MAU2: variants seen among roughly 807,000 people sequenced by gnomAD.
MAU2 encodes MAU2 sister chromatid cohesion factor, also known as MAU2 chromatid cohesion factor homolog.
A neutral mutation model predicts 89.1 loss-of-function variants in MAU2; 9 were observed. That is an observed-to-expected ratio of 0.10 (90% confidence interval 0.06 to 0.18). The LOEUF is 0.18. Among genes scored for constraint, MAU2 ranks in the 10% least tolerant of loss-of-function variants. The pLI is 1.00. For missense variants in MAU2, 425 were observed against 803.5 expected, an observed-to-expected ratio of 0.53 and a Z score of 5.69; for synonymous variants, 357 against 343.4, an observed-to-expected ratio of 1.04 and a Z score of -0.44.
chr19:19,325,660 G>T (rs2061497748), intron 1 of MAU2, among the ~76,000 whole-genome samples: 2 of 151,908 alleles, frequency 1.3e-5, no homozygotes, highest in Admixed American at 1.3e-4. Context: ...TGTATTTTTA[G>T]TAGAAACAAG....
At chr19:19,325,007 G>A (rs1056585725) in intron 1 of MAU2, among the ~76,000 whole-genome samples, 9 of 151,924 alleles carry the variant, frequency 5.9e-5, no homozygotes, top group African/African-American at 1.7e-4. Context: ...TATGTTCTCC[G>A]CTTAGAGGTG....
chr19:19,324,145 G>T (rs1789449223), intron 1 of MAU2, among the ~76,000 whole-genome samples: 1 of 152,234 alleles, frequency 6.6e-6, no homozygotes, highest in Non-Finnish European at 1.5e-5. Flanking sequence ...GGCAGTGATG[G>T]AAGAACCTTG....
At chr19:19,349,976 T>A (rs1043760481) in intron 16 of MAU2, among the ~76,000 whole-genome samples, 3 of 56,870 alleles carry the variant, frequency 5.3e-5, no homozygotes, top group Admixed American at 1.6e-4. Flanking sequence ...AGGTCTTGAA[T>A]TTTTTTTTTT....
chr19:19,329,066 CTA>C (rs2061533871), intron 1 of MAU2: 1 of 455,932 alleles, frequency 2.2e-6, no homozygotes, highest in East Asian at 6.9e-5. Context: ...GCCTGAGCAT[CTA>C]TGGTTCACTT....
intron 16 of MAU2, among the ~76,000 whole-genome samples, chr19:19,350,672 G>A (rs1212637319): frequency 1.3e-5 from 2 of 151,238 alleles, no homozygotes; most frequent in South Asian, 2.1e-4. Context: ...AGGCCAAGGC[G>A]GGCAGATCAC....
rs17751203 is a variant in MAU2, at chr19:19,345,055, C to T, written c.1155+129C>T. 0.025 allele frequency: 21,863 copies of T among 879,622 alleles called. 359 individuals are homozygous for T. The highest frequency in any genetic ancestry group is 0.032 in the Non-Finnish European group (17,914 of 553,500). The allele number at this position is 879,622 out of a possible 1,614,324, so 54.5% of individuals were successfully genotyped here. A position where few individuals can be genotyped will look rare whatever the true frequency, so the allele number is the denominator to read the frequency against. On this transcript the variant is annotated intron_variant, in intron 11 of 18. Coordinates refer to ENST00000262815, the MANE Select transcript of MAU2 (RefSeq NM_015329.4). This position sits in a 1 kb window ranked among gnomAD's most constrained non-coding sequence, Gnocchi z 4.9. ...ACCCTAATCAGAATCCGGAATGTTC[C>T]CATAGGTAATCATATAACCTTCCCA...
rs987552041 is a variant in MAU2 at position 19,323,586 on chromosome 19, A to G, written c.276+2451A>G. ...CACTGGCGTGATCTCAGCTCACTGC[A>G]GCCTTGACCTCCTGGGCTCAAGCAG... On this transcript the variant is annotated intron_variant, in intron 1 of 18. Transcript: ENST00000262815. Among the ~76,000 whole-genome samples the G allele has an allele frequency of 5.3e-5, 8 of 152,236 alleles. No homozygotes were observed. The East Asian group carries it at 1.5e-3, about 29-fold the overall frequency.
Position 19,356,973 on chromosome 19 carries a change from G to A in MAU2, c.*1191G>A, listed in dbSNP as rs2048187013. On this transcript the variant is annotated 3_prime_UTR_variant, in exon 19 of 19. Transcript: ENST00000262815. ...AAGACACCACCCCCTCCAGCTTCTG[G>A]GGCCCAGGAGCCTCTCCCTGCTACA... The A allele has an allele frequency of 6.6e-6, 1 of 152,200 alleles. No individual in the cohort carries two copies. Among genetic ancestry groups the A allele is most frequent in the South Asian group, 2.1e-4 (1 of 4,826 alleles). 9.4% of individuals were successfully genotyped at this position (152,200 alleles called of 1,614,324 possible).
At chr19:19,347,607 A>T (rs2061703966) in intron 13 of MAU2, 1 of 474,284 alleles carries the variant, frequency 2.1e-6, no homozygotes, top group South Asian at 2.8e-5. Context: ...TCTTTATCAC[A>T]AACAAACCAA....
intron 13 of MAU2, chr19:19,347,650 C>T: frequency 3.2e-6 from 1 of 309,794 alleles, no homozygotes; most frequent in Non-Finnish European, 6.1e-6. Context: ...GGTCTTATAG[C>T]CCAAGCTGTC....
At chr19:19,350,774 C>T (rs939932125) in intron 16 of MAU2, among the ~76,000 whole-genome samples, 6 of 151,990 alleles carry the variant, frequency 3.9e-5, no homozygotes, top group Non-Finnish European at 8.8e-5. Flanking sequence ...GTGGCAGGCG[C>T]CTGTAGTCCC....
chr19:19,330,569 C>T (rs1433098645), intron 1 of MAU2, among the ~76,000 whole-genome samples: 1 of 152,122 alleles, frequency 6.6e-6, no homozygotes, highest in Non-Finnish European at 1.5e-5. Context: ...AGAGAAACCC[C>T]GTCTCTACTG....
Position 19,358,481 on chromosome 19 carries a change from A to C in MAU2, c.*2699A>C, listed in dbSNP as rs1356685065. 6.6e-6 allele frequency: 1 copy of C among 152,226 alleles called. No homozygotes were observed. The highest frequency in any genetic ancestry group is 1.5e-5 in the Non-Finnish European group (1 of 68,036). 9.4% of individuals were successfully genotyped at this position (152,226 alleles called of 1,614,324 possible). A position where few individuals can be genotyped will look rare whatever the true frequency, so the allele number is the denominator to read the frequency against. ...GGAAATTGGAACTGCCACCCAGCCC[A>C]GCATGGTGGCTCAATTGGTTGGTTG... is the stretch of plus-strand genomic sequence containing the variant. On this transcript the variant is annotated 3_prime_UTR_variant, in exon 19 of 19. Coordinates refer to ENST00000262815, the MANE Select transcript of MAU2 (RefSeq NM_015329.4).
intron 10 of MAU2, chr19:19,344,182 C>T (rs546158530): frequency 2.0e-4 from 96 of 475,046 alleles, no homozygotes; most frequent in African/African-American, 1.8e-3. Context: ...GAGGCCGAGG[C>T]GGGTGGATCA....
chr19:19,323,999 A>ATACT (rs2061485084), intron 1 of MAU2, among the ~76,000 whole-genome samples: 1 of 152,228 alleles, frequency 6.6e-6, no homozygotes, highest in South Asian at 2.1e-4. Flanking sequence ...CATTCAACAG[A>ATACT]TACTTGTTCA....
At chr19:19,349,063 G>A in intron 14 of MAU2, 92 bp from the exon 15 acceptor site, 1 of 1,562,858 alleles carries the variant, frequency 6.4e-7, no homozygotes, top group East Asian at 2.3e-5. Flanking sequence ...TGCAGTGGGG[G>A]CTCTCAGAAA....
Position 19,355,481 on chromosome 19 carries a change from G to A in MAU2, c.1767+90G>A, listed in dbSNP as rs561414719. On this transcript the variant is annotated intron_variant, in intron 18 of 18. Coordinates refer to ENST00000262815, the MANE Select transcript of MAU2 (RefSeq NM_015329.4). ...GGCACCTTGGCTGTATTTCTCTTTT[G>A]TCCAACAAACCCTAACTCAGCCTCA... The A allele has an allele frequency of 2.6e-6, 4 of 1,559,776 alleles. No homozygotes were observed. In the South Asian group the frequency reaches 3.4e-5, roughly 13 times the overall value.
At chr19:19,325,731 A>G (rs1241036399) in intron 1 of MAU2, among the ~76,000 whole-genome samples, 2 of 152,092 alleles carry the variant, frequency 1.3e-5, no homozygotes, top group African/African-American at 2.4e-5. Context: ...TGCCCGCCTC[A>G]GCCTCCCAAA....
At chr19:19,353,301 C>G (rs142012457) in intron 16 of MAU2, 7 of 152,346 alleles carry the variant, frequency 4.6e-5, no homozygotes, top group African/African-American at 1.4e-4. Context: ...GACAGAGGTC[C>G]TTGGCTTTCT....
Sources: allele counts gnomAD v4.1 joint callset (sites outside exome capture counted in the v4.1 genomes callset), GRCh38; gene constraint gnomAD v4.1.1; non-coding constraint Gnocchi (gnomAD v3.1); transcripts MANE v1.5; gene names NCBI Gene and HGNC (gene_info 2026-07-23, HGNC 2026-07-21).